MICAL2: variants seen among roughly 807,000 people sequenced by gnomAD.
MICAL2 encodes the protein microtubule associated monooxygenase, calponin and LIM domain containing 2.
A neutral mutation model predicts 127.3 loss-of-function variants in MICAL2; 77 were observed. The observed-to-expected ratio is 0.60, with a 90% CI of 0.50 to 0.73. The LOEUF is 0.73. Ranked by LOEUF, MICAL2 falls within the 30% of genes least tolerant of loss-of-function variation. The pLI is 0.00. For synonymous variants in MICAL2, 570 were observed against 551.1 expected (o/e 1.03, Z -0.48); for missense variants, 1,351 against 1,434.4 (o/e 0.94, Z 0.94).
At chr11:12,312,894 C>T (rs1336875093) in intron 29 of MICAL2, among the ~76,000 whole-genome samples, 1 of 152,074 alleles carries the variant, frequency 6.6e-6, no homozygotes, top group Non-Finnish European at 1.5e-5. Flanking sequence ...CGGCCGGGCG[C>T]TGTGGCTCAC....
At chr11:12,116,980 C>T (rs1452937792) in intron 1 of MICAL2, 1 of 152,186 alleles carries the variant, frequency 6.6e-6, no homozygotes, top group African/African-American at 2.4e-5. Context: ...TTTATTTGAG[C>T]TAATGTTTCT....
upstream of MICAL2, among the ~76,000 whole-genome samples, chr11:12,273,017 C>A (rs975280048): frequency 3.9e-5 from 6 of 152,178 alleles, no homozygotes; most frequent in Non-Finnish European, 8.8e-5. Flanking sequence ...CAGCGTAAAG[C>A]GCAACTCTAG....
chr11:12,209,424 C>A, intron 5 of MICAL2, 73 bp from the exon 6 acceptor site: 2 of 1,207,692 alleles, frequency 1.7e-6, no homozygotes, highest in Non-Finnish European at 2.5e-6. Context: ...TTCTCATAGC[C>A]ACCACACGGG....
chr11:12,224,614 C>T (rs543066024), intron 12 of MICAL2, 59 bp from the exon 13 acceptor site: 27 of 1,578,598 alleles, frequency 1.7e-5, no homozygotes, highest in African/African-American at 1.2e-4. Flanking sequence ...AAGGGAGCGC[C>T]AGGGCAGACC....
intron 29 of MICAL2, among the ~76,000 whole-genome samples, chr11:12,317,803 A>AC (rs577974982): frequency 1.2e-3 from 185 of 152,092 alleles, no homozygotes; most frequent in African/African-American, 4.2e-3. Context: ...AAAAAAAAAA[A>AC]AAGTACTAGA....
At chr11:12,189,644 G>T (rs374943019) in intron 3 of MICAL2, among the ~76,000 whole-genome samples, 1 of 152,202 alleles carries the variant, frequency 6.6e-6, no homozygotes, top group East Asian at 1.9e-4. Context: ...GACTCAGTTT[G>T]TTTTCTCTGA....
At chr11:12,116,664 G>A (rs886993537) in intron 1 of MICAL2, 1 of 152,164 alleles carries the variant, frequency 6.6e-6, no homozygotes, top group Non-Finnish European at 1.5e-5. Flanking sequence ...AGAGCCCGAG[G>A]GAGTGATAGG....
At chr11:12,169,696 T>C (rs762339938) in intron 3 of MICAL2, among the ~76,000 whole-genome samples, 36 of 152,362 alleles carry the variant, frequency 2.4e-4, no homozygotes, top group South Asian at 4.1e-4. Flanking sequence ...GCACAATTTC[T>C]TTAGCTTAGC....
At chr11:12,137,769 G>A (rs1851968296) in intron 1 of MICAL2, among the ~76,000 whole-genome samples, 1 of 152,122 alleles carries the variant, frequency 6.6e-6, no homozygotes, top group Non-Finnish European at 1.5e-5. Flanking sequence ...TTTTAATGTG[G>A]AAGTAAATCA....
chr11:12,148,825 A>G (rs1853249853), intron 2 of MICAL2, among the ~76,000 whole-genome samples: 1 of 110,074 alleles, frequency 9.1e-6, no homozygotes, highest in Admixed American at 8.2e-5. Flanking sequence ...GGGCCCAGGG[A>G]GGGCAAATTA....
At chr11:12,228,384 C>T (rs1762501789) in intron 15 of MICAL2, among the ~76,000 whole-genome samples, 1 of 152,166 alleles carries the variant, frequency 6.6e-6, no homozygotes, top group Non-Finnish European at 1.5e-5. Context: ...GCCAGGTCAC[C>T]TGCTACTCCG....
At chr11:12,332,375 G>T (rs1057153662) in intron 32 of MICAL2, among the ~76,000 whole-genome samples, 10 of 152,154 alleles carry the variant, frequency 6.6e-5, no homozygotes, top group African/African-American at 2.4e-4. Context: ...AATACAGGTA[G>T]CCATGAACAC....
chr11:12,193,176 T>C (rs531989605), intron 3 of MICAL2, among the ~76,000 whole-genome samples: 1 of 152,292 alleles, frequency 6.6e-6, no homozygotes, highest in South Asian at 2.1e-4. Flanking sequence ...AGCACCTGTC[T>C]ATAGGGCGAG....
downstream of MICAL2, chr11:12,294,806 C>A (rs766076160): frequency 1.4e-6 from 2 of 1,433,632 alleles, no homozygotes; most frequent in Non-Finnish European, 1.8e-6. Context: ...AGCTCCTCCT[C>A]CTCCTCCTCC....
chr11:12,266,386 A>G (rs76810080), downstream of MICAL2, among the ~76,000 whole-genome samples: 540 of 152,342 alleles, frequency 3.5e-3, 1 homozygote, highest in African/African-American at 0.012. Flanking sequence ...TCGGTCAAGC[A>G]GAGTGGGTGG....
At chr11:12,112,537 T>C (rs1235293884) in intron 1 of MICAL2, among the ~76,000 whole-genome samples, 1 of 107,170 alleles carries the variant, frequency 9.3e-6, no homozygotes. Context: ...TCTAGTTTCG[T>C]GGGGCTTTTG....
At chr11:12,198,283 C>A (rs892753400) in intron 3 of MICAL2, among the ~76,000 whole-genome samples, 1 of 152,214 alleles carries the variant, frequency 6.6e-6, no homozygotes, top group African/African-American at 2.4e-5. Context: ...CTGTAAGAAT[C>A]AAGTGAGATG....
chr11:12,355,681 C>T (rs867077018), intron 34 of MICAL2, among the ~76,000 whole-genome samples: 15 of 152,282 alleles, frequency 9.9e-5, no homozygotes, highest in South Asian at 8.3e-4. Flanking sequence ...GGTATTTTCG[C>T]GCCCAATTTA....
chr11:12,152,656 A>T (rs574577826), intron 2 of MICAL2, among the ~76,000 whole-genome samples: 150 of 152,256 alleles, frequency 9.9e-4, no homozygotes, highest in African/African-American at 3.4e-3. Flanking sequence ...AATAGGAGAT[A>T]AAAATGGGGA....
Sources: gnomAD v4.1 joint callset for allele counts (sites outside exome capture counted in the v4.1 genomes callset) on GRCh38, gnomAD v4.1.1 for gene constraint, MANE v1.5 for transcripts, NCBI Gene and HGNC (gene_info 2026-07-23, HGNC 2026-07-21) for gene names.